The following CARF variants were observed in gnomAD, a reference collection of about 807,000 sequenced individuals.
CARF encodes the protein calcium-responsive transcription factor.
In CARF, 57 loss-of-function variants were observed where a neutral mutation model predicts 82.0. The observed-to-expected ratio is 0.70, with a 90% CI of 0.56 to 0.87. The LOEUF (loss-of-function observed/expected upper bound fraction) is 0.87, where lower values mean the gene tolerates loss of function less well. Ranked by LOEUF, CARF falls within the 40% of genes least tolerant of loss-of-function variation. CARF has a pLI of 0.00. For synonymous variants in CARF, 268 were observed against 290.1 expected, an observed-to-expected ratio of 0.92 and a Z score of 0.77; for missense variants, 771 against 855.8, an observed-to-expected ratio of 0.90 and a Z score of 1.24.
intron 8 of CARF, among the ~76,000 whole-genome samples, chr2:202,957,591 C>G (rs917084885): frequency 6.6e-6 from 1 of 152,108 alleles, no homozygotes; most frequent in African/African-American, 2.4e-5. Flanking sequence ...TATAAATTAT[C>G]TAATGATTAT....
rs767752537 is a variant in CARF at position 202,983,468 on chromosome 2, T to C, written c.2060-38T>C. ...TCCCCTCTCTTCCAGTGTCATGAAA[T>C]AGATTAACTTTTAGGATTTTTCTGT... is the stretch of plus-strand genomic sequence containing the variant. On this transcript the variant is annotated intron_variant, in intron 16 of 16. Coordinates refer to ENST00000438828, the MANE Select transcript of CARF (RefSeq NM_024744.17). 3.0e-5 allele frequency: 38 copies of C among 1,286,274 alleles called. No individual in the cohort carries two copies. The Admixed American group carries it at 6.9e-4, about 23-fold the overall frequency. The allele number at this position is 1,286,274 out of a possible 1,614,324, so 79.7% of individuals were successfully genotyped here.
intron 9 of CARF, among the ~76,000 whole-genome samples, chr2:202,966,562 T>C (rs751603151): frequency 1.3e-5 from 2 of 152,052 alleles, no homozygotes; most frequent in Non-Finnish European, 2.9e-5. Flanking sequence ...ATACAAAAAT[T>C]AGCCTGGCGT....
intron 8 of CARF, among the ~76,000 whole-genome samples, chr2:202,957,064 CAG>C (rs2059085866): frequency 1.3e-5 from 2 of 152,192 alleles, no homozygotes; most frequent in South Asian, 4.1e-4. Flanking sequence ...GCTGGGATTA[CAG>C]GCATGAGCCA....
chr2:202,949,843 C>T (rs2058679865), intron 5 of CARF, among the ~76,000 whole-genome samples: 1 of 152,112 alleles, frequency 6.6e-6, no homozygotes, highest in South Asian at 2.1e-4. Context: ...AGCCATCGTG[C>T]CTGGCCCAAT....
At chr2:202,926,482 A>G (rs559906607) in intron 3 of CARF, among the ~76,000 whole-genome samples, 6 of 152,300 alleles carry the variant, frequency 3.9e-5, no homozygotes, top group East Asian at 1.9e-4. Flanking sequence ...CACCGATACC[A>G]TAATACCTTG....
intron 5 of CARF, among the ~76,000 whole-genome samples, chr2:202,944,109 C>T (rs945272710): frequency 6.6e-6 from 1 of 152,030 alleles, no homozygotes; most frequent in Non-Finnish European, 1.5e-5. Flanking sequence ...AAATGTGTGC[C>T]ACGTGAGTAA....
chr2:202,940,367 T>C (rs1450527703), intron 3 of CARF, among the ~76,000 whole-genome samples: 1 of 152,140 alleles, frequency 6.6e-6, no homozygotes, highest in African/African-American at 2.4e-5. Context: ...TTGATAGTTT[T>C]TATTATTTGC....
At chr2:202,941,790 T>A (rs2058241405) in intron 3 of CARF, 70 bp from the exon 4 acceptor site, 1 of 707,712 alleles carries the variant, frequency 1.4e-6, no homozygotes, top group East Asian at 2.8e-5. Context: ...ATATGAGAGA[T>A]TTGTTTAAGA....
intron 3 of CARF, among the ~76,000 whole-genome samples, chr2:202,927,063 A>C (rs1330383099): frequency 6.6e-6 from 1 of 152,090 alleles, no homozygotes; most frequent in Non-Finnish European, 1.5e-5. Flanking sequence ...CAGTGTGCCC[A>C]TCTCGGCTTC....
At chr2:202,939,978 C>T (rs2058150890) in intron 3 of CARF, among the ~76,000 whole-genome samples, 1 of 152,060 alleles carries the variant, frequency 6.6e-6, no homozygotes, top group Admixed American at 6.6e-5. Context: ...ACATGAACCT[C>T]TGTTTCTGGC....
intron 7 of CARF, 127 bp downstream of exon 7, chr2:202,954,261 T>C (rs2058920337): frequency 5.4e-6 from 6 of 1,114,062 alleles, no homozygotes; most frequent in Non-Finnish European, 7.3e-6. Context: ...ATTGAATATA[T>C]CTTTAGTTAT....
chr2:202,936,459 C>T (rs1379674999), intron 3 of CARF, among the ~76,000 whole-genome samples: 1 of 152,144 alleles, frequency 6.6e-6, no homozygotes, highest in Non-Finnish European at 1.5e-5. Context: ...CTGGCATCCA[C>T]CAGTCTACTT....
In CARF at chr2:202,974,495, C is replaced by CAT. The variant is rs771718369; in HGVS notation, c.1493_1494insAT (p.Leu499CysfsTer16). Reference sequence around the variant, plus strand: ...TATAACTCAGAGATTATTCCAGCAACGGTATGATTACAACCATAATTCCTT... The same window carrying CAT: ...TATAACTCAGAGATTATTCCAGCAACATGGTATGATTACAACCATAATTCCTT... On this transcript the variant is annotated frameshift_variant and splice_region_variant, in exon 13 of 17. Coordinates refer to ENST00000438828, the MANE Select transcript of CARF (RefSeq NM_024744.17). LOFTEE classifies it high-confidence loss of function. 6.3e-7 allele frequency: 1 copy of CAT among 1,594,726 alleles called. No homozygotes were observed. The highest frequency in any genetic ancestry group is 1.1e-5 in the South Asian group (1 of 87,064).
chr2:202,983,058 T>G (rs2060331109), intron 16 of CARF, among the ~76,000 whole-genome samples: 1 of 151,880 alleles, frequency 6.6e-6, no homozygotes, highest in African/African-American at 2.4e-5. Flanking sequence ...GCAAATTCTT[T>G]AATTTTTTTT....
chr2:202,926,290 C>G (rs1239754155), intron 3 of CARF, among the ~76,000 whole-genome samples: 2 of 152,148 alleles, frequency 1.3e-5, no homozygotes, highest in Non-Finnish European at 2.9e-5. Context: ...AACTGAAAAC[C>G]AGTTTATACC....
At chr2:202,933,692 A>G (rs1693396826) in intron 3 of CARF, among the ~76,000 whole-genome samples, 1 of 151,682 alleles carries the variant, frequency 6.6e-6, no homozygotes, top group Admixed American at 6.6e-5. Flanking sequence ...TTGTTTATTC[A>G]TTGTTTTGAT....
At chr2:202,918,313 G>A (rs1447468589) in intron 2 of CARF, among the ~76,000 whole-genome samples, 2 of 152,162 alleles carry the variant, frequency 1.3e-5, no homozygotes, top group Non-Finnish European at 2.9e-5. Context: ...AAGGTCGGGA[G>A]ATTGAGACCA....
In CARF at chr2:202,954,011, C is replaced by G; in HGVS notation, c.434C>G (p.Pro145Arg). Residue 145 changes from proline to arginine, a missense_variant, in exon 7 of 17, where the codon CCT becomes CGT. By Grantham distance (103) the Pro-to-Arg change is moderately radical. Coordinates refer to ENST00000438828, the MANE Select transcript of CARF (RefSeq NM_024744.17). ...LVDVNSPRDVPEEKPSNRNLP... is the reference protein window; with the variant it reads ...LVDVNSPRDVREEKPSNRNLP... The stretch of plus-strand genomic sequence containing the variant: ...TCTTGTTTTTGTTGTTAAGATGTCC[C>G]TGAAGAGAAACCCAGTAACAGAAAC... 1 of 1,605,852 alleles carries G rather than the reference C, an allele frequency of 6.2e-7. No homozygotes were observed. Among genetic ancestry groups the G allele is most frequent in the Non-Finnish European group, 8.5e-7 (1 of 1,176,888 alleles).
intron 8 of CARF, among the ~76,000 whole-genome samples, chr2:202,957,858 A>G (rs1156464670): frequency 6.6e-6 from 1 of 152,044 alleles, no homozygotes; most frequent in Non-Finnish European, 1.5e-5. Flanking sequence ...AGGCAGGAGA[A>G]TCGCTTGATT....
Sources: allele counts gnomAD v4.1 joint callset (sites outside exome capture counted in the v4.1 genomes callset), GRCh38; gene constraint gnomAD v4.1.1; transcripts MANE v1.5; gene names NCBI Gene and HGNC (gene_info 2026-07-23, HGNC 2026-07-21).